Variants in ECT2L observed in about 807,000 individuals in gnomAD.
The protein encoded by ECT2L is epithelial cell-transforming sequence 2 oncogene-like.
A neutral mutation model predicts 122.8 loss-of-function variants in ECT2L; 126 were observed. That is an observed-to-expected ratio of 1.03 (90% CI 0.89 to 1.19). The LOEUF is 1.19. Among genes scored for constraint, ECT2L ranks in the 50% most tolerant of loss-of-function variants. The pLI is 0.00. For synonymous variants in ECT2L, 385 were observed against 381.8 expected (o/e 1.01, Z -0.10); for missense variants, 1,012 against 1,064.1 (o/e 0.95, Z 0.68).
chr6:138,804,965 G>A (rs1167617071), intron 1 of ECT2L, among the ~76,000 whole-genome samples: 1 of 152,154 alleles, frequency 6.6e-6, no homozygotes, highest in African/African-American at 2.4e-5. Flanking sequence ...CCAGCATGCA[G>A]AATAACCTCT....
chr6:138,827,455 C>T (rs1583563445), intron 4 of ECT2L, among the ~76,000 whole-genome samples: 1 of 152,126 alleles, frequency 6.6e-6, no homozygotes, highest in South Asian at 2.1e-4. Flanking sequence ...TAAGGGACCC[C>T]GGTATATTCA....
At chr6:138,818,393 C>G (rs1309820884) in intron 4 of ECT2L, among the ~76,000 whole-genome samples, 1 of 152,130 alleles carries the variant, frequency 6.6e-6, no homozygotes, top group Non-Finnish European at 1.5e-5. Context: ...TGAGGGCTCA[C>G]TTGAGGACGT....
In ECT2L at chr6:138,880,969, CAGA is replaced by C; in HGVS notation, c.1681_1683del (p.Lys561del). On this transcript the variant is annotated inframe_deletion, in exon 15 of 22. Transcript: ENST00000541398. ...CACTTCTCTACAGGAGAGAATACTC[CAGA>C]AGGACTCAGCAGAAAAGCGAGCTAG... The C allele has an allele frequency of 6.2e-7, 1 of 1,613,784 alleles. No individual in the cohort carries two copies. The highest frequency in any genetic ancestry group is 1.1e-5 in the South Asian group (1 of 91,060).
chr6:138,846,964 T>TAAAAA (rs775229639), intron 8 of ECT2L, among the ~76,000 whole-genome samples: 2 of 73,100 alleles, frequency 2.7e-5, no homozygotes, highest in African/African-American at 1.1e-4. Context: ...TCTGTTTCTA[T>TAAAAA]AAAAAAAAAA....
intron 4 of ECT2L, 88 bp downstream of exon 4, chr6:138,814,691 T>C: frequency 1.3e-6 from 1 of 775,558 alleles, no homozygotes; most frequent in Non-Finnish European, 2.0e-6. Flanking sequence ...GATTTTTTGT[T>C]CCTAGGGAGA....
chr6:138,827,543 A>G (rs1471058597), intron 4 of ECT2L, among the ~76,000 whole-genome samples: 1 of 150,712 alleles, frequency 6.6e-6, no homozygotes, highest in Non-Finnish European at 1.5e-5. Flanking sequence ...CACCCTTTAT[A>G]CCCTGGGTTA....
chr6:138,829,775 T>C (rs1776585481), intron 4 of ECT2L, among the ~76,000 whole-genome samples: 2 of 151,744 alleles, frequency 1.3e-5, no homozygotes, highest in African/African-American at 2.4e-5. Context: ...CAGGCTGGAG[T>C]GCAGTGGCAC....
intron 4 of ECT2L, among the ~76,000 whole-genome samples, chr6:138,822,019 G>A (rs1176654719): frequency 6.6e-6 from 1 of 152,262 alleles, no homozygotes; most frequent in East Asian, 1.9e-4. Flanking sequence ...ACCGTAAGAA[G>A]ATCAGTCTGT....
At chr6:138,842,213 C>A (rs1343203799) in intron 5 of ECT2L, among the ~76,000 whole-genome samples, 1 of 152,200 alleles carries the variant, frequency 6.6e-6, no homozygotes, top group Non-Finnish European at 1.5e-5. Context: ...AATCCCAGCA[C>A]TTTGGGAGGC....
At chr6:138,854,974 G>GT (rs199929918) in intron 10 of ECT2L, among the ~76,000 whole-genome samples, 2,440 of 150,860 alleles carry the variant, frequency 0.016, 28 homozygotes, top group Non-Finnish European at 0.023. Context: ...TTCTCATACT[G>GT]TTTTTTTTTG....
chr6:138,799,477 G>A (rs1222991556), intron 1 of ECT2L, among the ~76,000 whole-genome samples: 1 of 152,038 alleles, frequency 6.6e-6, no homozygotes, highest in African/African-American at 2.4e-5. Flanking sequence ...GGATGGTCTC[G>A]ATCTCCTGAC....
intron 4 of ECT2L, among the ~76,000 whole-genome samples, chr6:138,830,219 C>G (rs1308870231): frequency 2.0e-5 from 3 of 152,204 alleles, no homozygotes; most frequent in African/African-American, 7.2e-5. Context: ...TAAGAAAAAT[C>G]TAGCTTCTAC....
chr6:138,816,340 T>C (rs1005215085), intron 4 of ECT2L, among the ~76,000 whole-genome samples: 13 of 152,230 alleles, frequency 8.5e-5, no homozygotes, highest in African/African-American at 3.1e-4. Context: ...TGAATTCTTT[T>C]TTCTGTGAGA....
At chr6:138,812,603 G>A (rs1053910597) in intron 1 of ECT2L, among the ~76,000 whole-genome samples, 11 of 152,018 alleles carry the variant, frequency 7.2e-5, no homozygotes, top group Middle Eastern at 3.2e-3. Context: ...CTGTGAGTTC[G>A]AGACCAGCCT....
At chr6:138,815,811 T>C (rs183425720) in intron 4 of ECT2L, among the ~76,000 whole-genome samples, 2 of 152,322 alleles carry the variant, frequency 1.3e-5, no homozygotes, top group African/African-American at 4.8e-5. Context: ...GAGTGGTGCA[T>C]GATCAAATTG....
intron 4 of ECT2L, chr6:138,823,268 T>A: frequency 6.4e-7 from 1 of 1,570,258 alleles, no homozygotes; most frequent in East Asian, 2.3e-5. Context: ...CCCAGCTGGT[T>A]TTTTATACAG....
chr6:138,871,999 G>C (rs1370383236), intron 13 of ECT2L, among the ~76,000 whole-genome samples: 1 of 151,314 alleles, frequency 6.6e-6, no homozygotes, highest in African/African-American at 2.4e-5. Context: ...TTTGAGATGG[G>C]GCCTCGCTCT....
intron 14 of ECT2L, among the ~76,000 whole-genome samples, chr6:138,877,162 G>A (rs200242107): frequency 6.6e-6 from 1 of 151,936 alleles, no homozygotes. Context: ...TTACATGGGG[G>A]AAAAAAGTCA....
chr6:138,832,388 G>A (rs1205898447), intron 4 of ECT2L, among the ~76,000 whole-genome samples: 1 of 152,092 alleles, frequency 6.6e-6, no homozygotes, highest in Non-Finnish European at 1.5e-5. Flanking sequence ...CCAAAGGGAG[G>A]ATAACTGCCC....
Sources: allele counts gnomAD v4.1 joint callset (sites outside exome capture counted in the v4.1 genomes callset), GRCh38; gene constraint gnomAD v4.1.1; transcripts MANE v1.5; gene names NCBI Gene and HGNC (gene_info 2026-07-23, HGNC 2026-07-21).